NME9: variants seen among roughly 807,000 people sequenced by gnomAD.
NME9 encodes the protein NME/NM23 family member 9.
In NME9, 48 loss-of-function variants were observed where a neutral mutation model predicts 44.4. The observed-to-expected ratio is 1.08, with a 90% CI of 0.86 to 1.37. The LOEUF (loss-of-function observed/expected upper bound fraction) is 1.37. Ranked by LOEUF, NME9 falls within the 40% of genes most tolerant of loss-of-function variation. NME9 has a pLI of 0.00. For missense variants in NME9, 325 were observed against 405.2 expected (o/e 0.80, Z 1.70); for synonymous variants, 139 against 147.1 (o/e 0.94, Z 0.40).
chr3:138,264,668 T>G (rs569068490), intron 8 of NME9, among the ~76,000 whole-genome samples: 1 of 152,042 alleles, frequency 6.6e-6, no homozygotes, highest in East Asian at 1.9e-4. Context: ...TCTGCCCGCC[T>G]CGGCCCTCCA....
At chr3:138,306,614 C>T (rs2052285062) in intron 6 of NME9, 134 bp from the exon 7 acceptor site, 2 of 611,494 alleles carry the variant, frequency 3.3e-6, no homozygotes, top group Non-Finnish European at 5.8e-6. Context: ...CTCAGAGTTC[C>T]CTTCCCTGGC....
intron 9 of NME9, 89 bp from the exon 10 acceptor site, chr3:138,303,732 A>G (rs533005753): frequency 2.0e-5 from 23 of 1,145,474 alleles, no homozygotes; most frequent in Middle Eastern, 3.9e-4. Context: ...CCGACTACCA[A>G]TCAGCACCCT....
downstream of NME9, chr3:138,296,727 G>A (rs559507008): frequency 6.6e-6 from 1 of 152,234 alleles, no homozygotes; most frequent in African/African-American, 2.4e-5. Flanking sequence ...GTAAAGTGAG[G>A]CAACAGATTC....
intron 6 of NME9, among the ~76,000 whole-genome samples, chr3:138,306,784 G>A (rs1301758059): frequency 2.0e-5 from 3 of 152,214 alleles, no homozygotes; most frequent in Non-Finnish European, 4.4e-5. Flanking sequence ...ATGGGAGAAG[G>A]GATTGCTCAA....
rs1480555007 is a variant in NME9, at chr3:138,265,350, A to C, written c.746-2764T>G. 4.6e-5 allele frequency among the ~76,000 whole-genome samples: 7 copies of C among 152,338 alleles called. No individual in the cohort carries two copies. The East Asian group carries it at 1.3e-3, about 29-fold the overall frequency. ...TAATAATGTTATCCCCTGATACACT[A>C]CAAAACTTGGTCTTTGGTCTATCAT... On this transcript the variant is annotated intron_variant, in intron 8 of 8. Coordinates refer to the NME9 transcript ENST00000317876.
intron 4 of NME9, 28 bp downstream of exon 4, chr3:138,318,120 A>G (rs918182776): frequency 1.1e-5 from 15 of 1,386,280 alleles, no homozygotes; most frequent in Non-Finnish European, 1.4e-5. Context: ...CAATCGTCAA[A>G]TAGTTCTGAT....
At chr3:138,262,722 C>A (rs1202332512) in intron 8 of NME9, 1 of 893,142 alleles carries the variant, frequency 1.1e-6, no homozygotes, top group Non-Finnish European at 1.6e-6. Context: ...TCTGCAAGGA[C>A]AACCAAGGTT....
chr3:138,263,062 TTTATTCTA>T (rs1398824533), intron 8 of NME9, among the ~76,000 whole-genome samples: 2 of 152,270 alleles, frequency 1.3e-5, no homozygotes, highest in Non-Finnish European at 2.9e-5. Flanking sequence ...TCATGAGTAC[TTTATTCTA>T]ATATGAAAAG....
chr3:138,278,281 CG>C (rs2049506320), intron 8 of NME9, among the ~76,000 whole-genome samples: 2 of 151,846 alleles, frequency 1.3e-5, no homozygotes, highest in African/African-American at 4.8e-5. Context: ...CTGAGGCAGG[CG>C]GATCACTTGA....
chr3:138,325,211 A>C (rs1191319744), intron 1 of NME9, among the ~76,000 whole-genome samples: 1 of 152,212 alleles, frequency 6.6e-6, no homozygotes, highest in Non-Finnish European at 1.5e-5. Context: ...TTGTGTCCTT[A>C]AAATGTACAT....
chr3:138,302,427 C>T (rs1291362041), intron 10 of NME9, among the ~76,000 whole-genome samples: 3 of 152,172 alleles, frequency 2.0e-5, no homozygotes, highest in Admixed American at 1.3e-4. Flanking sequence ...AATCACCACC[C>T]CCCATTCCCA....
At chr3:138,266,319 A>G (rs533820947) in intron 8 of NME9, among the ~76,000 whole-genome samples, 18 of 152,186 alleles carry the variant, frequency 1.2e-4, no homozygotes, top group Admixed American at 5.2e-4. Flanking sequence ...GTGCCTTTCT[A>G]TGCTTGGAAC....
intron 8 of NME9, chr3:138,295,849 G>A (rs989365840): frequency 1.2e-6 from 2 of 1,613,350 alleles, no homozygotes; most frequent in African/African-American, 1.3e-5. Context: ...CAGGAATTTT[G>A]TGATTTCAGG....
At chr3:138,287,190 G>T (rs747483871) in intron 8 of NME9, among the ~76,000 whole-genome samples, 3 of 152,156 alleles carry the variant, frequency 2.0e-5, no homozygotes, top group Non-Finnish European at 2.9e-5. Flanking sequence ...TCTTTCAGGG[G>T]CTTCCTCTCA....
intron 8 of NME9, among the ~76,000 whole-genome samples, chr3:138,270,702 G>A (rs1031715411): frequency 3.3e-5 from 5 of 152,098 alleles, no homozygotes; most frequent in Non-Finnish European, 7.4e-5. Flanking sequence ...TTTGCAGAAT[G>A]ATTAACTTGT....
intron 8 of NME9, among the ~76,000 whole-genome samples, chr3:138,287,236 A>C (rs1457083373): frequency 6.6e-6 from 1 of 152,212 alleles, no homozygotes; most frequent in Non-Finnish European, 1.5e-5. Context: ...ACTGTGGCCT[A>C]CAAGTTGGCA....
chr3:138,274,910 A>G (rs993473849), intron 8 of NME9, among the ~76,000 whole-genome samples: 2 of 152,012 alleles, frequency 1.3e-5, no homozygotes, highest in African/African-American at 4.8e-5. Flanking sequence ...CATGCTCTCA[A>G]CTCAAAATTC....
chr3:138,263,766 C>T, intron 8 of NME9: 1 of 1,613,868 alleles, frequency 6.2e-7, no homozygotes, highest in Non-Finnish European at 8.5e-7. Flanking sequence ...TATGATGGAC[C>T]GAATTGTGAC....
At chr3:138,303,329 C>T (rs1003930046) in intron 10 of NME9, 178 bp downstream of exon 10, 4 of 468,618 alleles carry the variant, frequency 8.5e-6, no homozygotes, top group African/African-American at 5.7e-5. Flanking sequence ...TATGAGAACA[C>T]AAAACAGTTT....
Sources: gnomAD v4.1 joint callset for allele counts (sites outside exome capture counted in the v4.1 genomes callset) on GRCh38, gnomAD v4.1.1 for gene constraint, MANE v1.5 for transcripts, NCBI Gene and HGNC (gene_info 2026-07-23, HGNC 2026-07-21) for gene names.